The following XKR6 variants were observed in gnomAD, a reference collection of about 807,000 sequenced individuals.
The protein encoded by XKR6 is XK related 6.
In XKR6, 22 loss-of-function variants were observed where a neutral mutation model predicts 56.7. The ratio of observed to expected loss-of-function variants is 0.39; its 90% CI spans 0.28 to 0.55. XKR6 has a LOEUF of 0.55. Ranked by LOEUF, XKR6 falls within the 20% of genes least tolerant of loss-of-function variation. The pLI, the probability that XKR6 is intolerant of heterozygous loss-of-function variation, is 0.66. For synonymous variants in XKR6, 524 were observed against 387.8 expected (o/e 1.35, Z -4.13); for missense variants, 852 against 889.0 (o/e 0.96, Z 0.53).
chr8:10,927,583 C>T (rs1317886812), intron 1 of XKR6, among the ~76,000 whole-genome samples: 2 of 152,162 alleles, frequency 1.3e-5, no homozygotes, highest in African/African-American at 4.8e-5. Flanking sequence ...CTCAGGTTCA[C>T]CCAGGTTTGC....
rs1235563300 is a variant in XKR6, at chr8:10,896,558, CACAT to C, written c.*1390_*1393del. 1 of 152,754 alleles carries C rather than the reference CACAT, an allele frequency of 6.5e-6. No individual in the cohort carries two copies. The highest frequency in any genetic ancestry group is 1.5e-5 in the Non-Finnish European group (1 of 68,038). 9.5% of individuals were successfully genotyped at this position (152,754 alleles called of 1,614,324 possible). On this transcript the variant is annotated 3_prime_UTR_variant, in exon 3 of 3. Coordinates refer to ENST00000416569, the MANE Select transcript of XKR6 (RefSeq NM_173683.4). ...TATACGTGTGCTATGGGCACACACA[CACAT>C]ACACACACAAACACACACATACTAC... is the stretch of plus-strand genomic sequence containing the variant.
At chr8:11,053,016 G>A (rs1405464941) in intron 1 of XKR6, among the ~76,000 whole-genome samples, 1 of 152,148 alleles carries the variant, frequency 6.6e-6, no homozygotes, top group Non-Finnish European at 1.5e-5. Flanking sequence ...ACTGCGCGGG[G>A]TCCAGCCTAG....
At chr8:10,999,959 T>C (rs1798201662) in intron 1 of XKR6, among the ~76,000 whole-genome samples, 1 of 152,204 alleles carries the variant, frequency 6.6e-6, no homozygotes, top group Non-Finnish European at 1.5e-5. Flanking sequence ...AGGTATTTGA[T>C]TTCACGGTCT....
At chr8:10,980,878 C>G (rs1255261632) in intron 1 of XKR6, among the ~76,000 whole-genome samples, 1 of 152,112 alleles carries the variant, frequency 6.6e-6, no homozygotes, top group Non-Finnish European at 1.5e-5. Context: ...TATCTACTGA[C>G]CTACCCAAGT....
Position 10,897,771 on chromosome 8 carries a change from T to G in XKR6, c.*181A>C. The G allele has an allele frequency of 1.5e-6, 1 of 651,074 alleles. No individual in the cohort carries two copies. The highest frequency in any genetic ancestry group is 2.4e-6 in the Non-Finnish European group (1 of 422,970). 40.3% of individuals were successfully genotyped at this position (651,074 alleles called of 1,614,324 possible). A position where few individuals can be genotyped will look rare whatever the true frequency, so the allele number is the denominator to read the frequency against. On this transcript the variant is annotated 3_prime_UTR_variant, in exon 3 of 3. Transcript: ENST00000416569. ...ACATACAGCGACTGGAAAGAAAGCT[T>G]ATTTGAAGGGGTTGTGACTTATTAA...
At chr8:11,125,369 G>C (rs1201147348) in intron 1 of XKR6, among the ~76,000 whole-genome samples, 1 of 152,134 alleles carries the variant, frequency 6.6e-6, no homozygotes, top group Non-Finnish European at 1.5e-5. Flanking sequence ...ACACCTTTAG[G>C]TGTGCTCAGG....
chr8:11,007,797 G>A (rs1798404264), intron 1 of XKR6, among the ~76,000 whole-genome samples: 1 of 152,160 alleles, frequency 6.6e-6, no homozygotes, highest in Admixed American at 6.5e-5. Context: ...GTGTCCCCTG[G>A]CTTCCTGCAG....
intron 2 of XKR6, among the ~76,000 whole-genome samples, chr8:10,909,126 AC>A (rs1192624911): frequency 5.3e-5 from 8 of 151,612 alleles, no homozygotes; most frequent in Non-Finnish European, 1.5e-5. Flanking sequence ...AGATTGCGCC[AC>A]TGCACTCCAG....
chr8:10,951,007 C>T (rs1338211035), intron 1 of XKR6, among the ~76,000 whole-genome samples: 2 of 152,180 alleles, frequency 1.3e-5, no homozygotes, highest in Non-Finnish European at 2.9e-5. Context: ...ACTGTGGCCC[C>T]AGAACCTCAG....
intron 1 of XKR6, among the ~76,000 whole-genome samples, chr8:11,113,562 C>T (rs1312694126): frequency 6.6e-6 from 1 of 152,094 alleles, no homozygotes; most frequent in Non-Finnish European, 1.5e-5. Flanking sequence ...CATTACAATT[C>T]TTTAACATAG....
chr8:10,918,044 C>A (rs1042625292), intron 2 of XKR6, among the ~76,000 whole-genome samples: 1 of 152,212 alleles, frequency 6.6e-6, no homozygotes, highest in Non-Finnish European at 1.5e-5. Flanking sequence ...CATCCCACAT[C>A]CATCTCCTCC....
chr8:10,929,105 C>T (rs746823287), intron 1 of XKR6, among the ~76,000 whole-genome samples: 18 of 152,190 alleles, frequency 1.2e-4, no homozygotes, highest in African/African-American at 1.7e-4. Flanking sequence ...GGAGGGATCT[C>T]CAAGCCTCTG....
intron 1 of XKR6, among the ~76,000 whole-genome samples, chr8:11,152,756 G>A (rs1376819873): frequency 6.6e-6 from 1 of 152,206 alleles, no homozygotes; most frequent in Non-Finnish European, 1.5e-5. Flanking sequence ...ACTAGCTTGT[G>A]GACAGAGTGT....
At chr8:10,979,189 C>G (rs1211797450) in intron 1 of XKR6, among the ~76,000 whole-genome samples, 1 of 152,030 alleles carries the variant, frequency 6.6e-6, no homozygotes, top group African/African-American at 2.4e-5. Flanking sequence ...CTGCCCCTCC[C>G]TGTTTCCTCC....
At chr8:11,172,514 C>T (rs1802431630) in intron 1 of XKR6, among the ~76,000 whole-genome samples, 1 of 152,144 alleles carries the variant, frequency 6.6e-6, no homozygotes, top group Non-Finnish European at 1.5e-5. Context: ...TGCACAAGTA[C>T]CCTTTCTCAA....
At chr8:10,952,796 C>A (rs796959073) in intron 1 of XKR6, among the ~76,000 whole-genome samples, 1 of 152,046 alleles carries the variant, frequency 6.6e-6, no homozygotes, top group Non-Finnish European at 1.5e-5. Flanking sequence ...GGGCTCCCAA[C>A]CCCCGGGCCA....
At chr8:10,899,655 T>G (rs531062589) in intron 2 of XKR6, among the ~76,000 whole-genome samples, 4 of 152,226 alleles carry the variant, frequency 2.6e-5, no homozygotes, top group African/African-American at 9.6e-5. Flanking sequence ...TTTGAAGCTC[T>G]GTCCTTCTCT....
chr8:11,138,108 T>A, intron 1 of XKR6: 1 of 179,938 alleles, frequency 5.6e-6, no homozygotes, highest in Non-Finnish European at 1.2e-5. Context: ...TCTGACTACA[T>A]GCTATAAGCA....
At chr8:11,162,893 T>C (rs1335909385) in intron 1 of XKR6, among the ~76,000 whole-genome samples, 1 of 152,246 alleles carries the variant, frequency 6.6e-6, no homozygotes, top group East Asian at 1.9e-4. Flanking sequence ...AAGAGTGTTT[T>C]AGGAGTTCAC....
Sources: gnomAD v4.1 joint callset for allele counts (sites outside exome capture counted in the v4.1 genomes callset) on GRCh38, gnomAD v4.1.1 for gene constraint, MANE v1.5 for transcripts, NCBI Gene and HGNC (gene_info 2026-07-23, HGNC 2026-07-21) for gene names.